The following UNC5D variants were observed in gnomAD, a reference collection of about 807,000 sequenced individuals.
The protein encoded by UNC5D is netrin receptor UNC5D.
In UNC5D, 39 loss-of-function variants were observed where a neutral mutation model predicts 105.4. The observed-to-expected ratio is 0.37, with a 90% CI of 0.29 to 0.48. UNC5D has a LOEUF of 0.48. Among genes scored for constraint, UNC5D ranks in the 20% least tolerant of loss-of-function variants. The probability of loss-of-function intolerance (pLI) is 0.98; values close to 1 mark genes in which losing one functional copy is unlikely to be tolerated. For missense variants in UNC5D, 991 were observed against 1,202.4 expected (o/e 0.82, Z 2.60); for synonymous variants, 452 against 450.4 (o/e 1.00, Z -0.04).
At chr8:35,695,760 A>T (rs1826729703) in intron 7 of UNC5D, among the ~76,000 whole-genome samples, 1 of 150,508 alleles carries the variant, frequency 6.6e-6, no homozygotes, top group Admixed American at 6.6e-5. Flanking sequence ...TTTGAAATGG[A>T]GTCTTACTCT....
intron 1 of UNC5D, among the ~76,000 whole-genome samples, chr8:35,483,785 C>T (rs777910145): frequency 1.3e-5 from 2 of 152,154 alleles, no homozygotes; most frequent in Non-Finnish European, 2.9e-5. Context: ...ATACCATTTA[C>T]AAGAGCAATG....
chr8:35,360,251 G>C (rs1156800142), intron 1 of UNC5D, among the ~76,000 whole-genome samples: 2 of 152,066 alleles, frequency 1.3e-5, no homozygotes, highest in Non-Finnish European at 2.9e-5. Context: ...TGTTGTCTCT[G>C]ATTTCCTTTT....
intron 4 of UNC5D, among the ~76,000 whole-genome samples, chr8:35,615,602 C>T (rs1478388371): frequency 6.6e-6 from 1 of 152,162 alleles, no homozygotes; most frequent in Non-Finnish European, 1.5e-5. Context: ...ATTTAACTGG[C>T]ATGAACTGCT....
chr8:35,347,853 A>G (rs1753745989), intron 1 of UNC5D, among the ~76,000 whole-genome samples: 1 of 152,070 alleles, frequency 6.6e-6, no homozygotes, highest in African/African-American at 2.4e-5. Flanking sequence ...GCATAGCCCA[A>G]GAGGTCACCT....
Position 35,639,247 on chromosome 8 carries a change from C to T in UNC5D, c.570+43590C>T, listed in dbSNP as rs192740587. Among the ~76,000 whole-genome samples, 69 of 152,258 alleles carry T rather than the reference C, an allele frequency of 4.5e-4. 2 individuals are homozygous for T. In the East Asian group the frequency reaches 7.0e-3, roughly 15 times the overall value. ...CCCTATGTGGAACCAAGGGGCAGGGCGACCAGGAAAGGACATCTCAAAAAG... is the reference window on the plus strand; with the variant it reads ...CCCTATGTGGAACCAAGGGGCAGGGTGACCAGGAAAGGACATCTCAAAAAG... On this transcript the variant is annotated intron_variant, in intron 4 of 16. Transcript: ENST00000404895.
intron 1 of UNC5D, among the ~76,000 whole-genome samples, chr8:35,280,898 TCA>T (rs1172419038): frequency 1.3e-5 from 2 of 152,214 alleles, no homozygotes; most frequent in African/African-American, 4.8e-5. Context: ...CCAAATTTTC[TCA>T]GTCTTTCCCA....
intron 1 of UNC5D, among the ~76,000 whole-genome samples, chr8:35,334,233 C>A (rs903236789): frequency 6.6e-6 from 1 of 151,928 alleles, no homozygotes; most frequent in Non-Finnish European, 1.5e-5. Context: ...GCAGAAGTAG[C>A]GTCAGTGAAA....
intron 4 of UNC5D, among the ~76,000 whole-genome samples, chr8:35,601,614 G>A (rs556569026): frequency 1.6e-4 from 24 of 152,250 alleles, no homozygotes; most frequent in African/African-American, 4.1e-4. Context: ...TGTTATTGGT[G>A]TATAAGAATG....
intron 4 of UNC5D, among the ~76,000 whole-genome samples, chr8:35,627,290 C>T (rs2958257): frequency 0.1 from 15,617 of 152,112 alleles, 841 homozygotes; most frequent in African/African-American, 0.13. Flanking sequence ...CGAACAATAA[C>T]GTTCAGACAT....
At chr8:35,468,190 T>C (rs1369657129) in intron 1 of UNC5D, among the ~76,000 whole-genome samples, 1 of 152,218 alleles carries the variant, frequency 6.6e-6, no homozygotes, top group Non-Finnish European at 1.5e-5. Context: ...GATTGCCCTA[T>C]ATTAGAGTAA....
At chr8:35,253,495 CT>C (rs1389018057) in intron 1 of UNC5D, among the ~76,000 whole-genome samples, 1 of 80,874 alleles carries the variant, frequency 1.2e-5, no homozygotes, top group Non-Finnish European at 2.2e-5. Context: ...TTTTTTTTTT[CT>C]TTTTTTTTGA....
At chr8:35,379,903 T>C (rs1802918580) in intron 1 of UNC5D, among the ~76,000 whole-genome samples, 1 of 151,644 alleles carries the variant, frequency 6.6e-6, no homozygotes, top group African/African-American at 2.4e-5. Context: ...CATTTTTATA[T>C]ATCGTCTTAG....
chr8:35,733,143 T>C (rs1188856531), intron 11 of UNC5D, among the ~76,000 whole-genome samples: 2 of 152,160 alleles, frequency 1.3e-5, no homozygotes, highest in Admixed American at 6.5e-5. Flanking sequence ...AGCTGAAACC[T>C]TCCCAGATGT....
At chr8:35,332,279 A>C (rs1810683314) in intron 1 of UNC5D, among the ~76,000 whole-genome samples, 1 of 152,172 alleles carries the variant, frequency 6.6e-6, no homozygotes, top group African/African-American at 2.4e-5. Context: ...GGAGGCTTTT[A>C]CTATTGTACT....
chr8:35,566,171 T>TA (rs1382622295), intron 2 of UNC5D, among the ~76,000 whole-genome samples: 1 of 152,198 alleles, frequency 6.6e-6, no homozygotes, highest in Non-Finnish European at 1.5e-5. Flanking sequence ...GATTTTCTGT[T>TA]ACGTGGGTTC....
At chr8:35,644,340 T>G (rs889776091) in intron 4 of UNC5D, among the ~76,000 whole-genome samples, 1 of 152,096 alleles carries the variant, frequency 6.6e-6, no homozygotes, top group Non-Finnish European at 1.5e-5. Flanking sequence ...TTAAAGCCCT[T>G]TTTTCTTATT....
intron 1 of UNC5D, among the ~76,000 whole-genome samples, chr8:35,465,221 T>C (rs1302958984): frequency 2.6e-5 from 4 of 152,146 alleles, no homozygotes; most frequent in African/African-American, 9.7e-5. Flanking sequence ...CAAAACACTG[T>C]CTATGCAAAA....
At chr8:35,524,621 A>T (rs1054485678) in intron 1 of UNC5D, among the ~76,000 whole-genome samples, 3 of 131,652 alleles carry the variant, frequency 2.3e-5, no homozygotes, top group African/African-American at 8.3e-5. Context: ...AATAAAACTA[A>T]TTCAAGCCAT....
At chr8:35,350,315 T>G (rs893928648) in intron 1 of UNC5D, among the ~76,000 whole-genome samples, 1 of 151,974 alleles carries the variant, frequency 6.6e-6, no homozygotes, top group Non-Finnish European at 1.5e-5. Context: ...AACATAATGT[T>G]ACCTGAAAAA....
Sources: allele counts gnomAD v4.1 joint callset (sites outside exome capture counted in the v4.1 genomes callset), GRCh38; gene constraint gnomAD v4.1.1; transcripts MANE v1.5; gene names NCBI Gene and HGNC (gene_info 2026-07-23, HGNC 2026-07-21).